Variants in EYA3 observed in about 807,000 individuals in gnomAD.
EYA3 encodes EYA transcriptional coactivator and phosphatase 3.
EYA3 carries 39 observed loss-of-function variants against 80.0 expected under a neutral mutation model. The ratio of observed to expected loss-of-function variants is 0.49; its 90% CI spans 0.38 to 0.64. EYA3 has a LOEUF of 0.64. Ranked by LOEUF, EYA3 falls within the 30% of genes least tolerant of loss-of-function variation. EYA3 has a pLI of 0.00. For missense variants in EYA3, 523 were observed against 676.1 expected (o/e 0.77, Z 2.51); for synonymous variants, 206 against 232.8 (o/e 0.88, Z 1.05).
At chr1:28,038,781 T>C (rs185047994) in intron 5 of EYA3, 58 bp downstream of exon 5, 67 of 963,682 alleles carry the variant, frequency 7.0e-5, no homozygotes, top group Admixed American at 2.0e-4. Flanking sequence ...TAATATTAAA[T>C]TTTGCAATGA....
At chr1:28,081,653 C>T (rs917045476) in intron 1 of EYA3, among the ~76,000 whole-genome samples, 1 of 152,086 alleles carries the variant, frequency 6.6e-6, no homozygotes, top group African/African-American at 2.4e-5. Context: ...CATCATTGTG[C>T]TAAATTAAAT....
intron 1 of EYA3, among the ~76,000 whole-genome samples, chr1:28,083,320 G>GACC (rs1645497535): frequency 1.3e-5 from 2 of 152,162 alleles, no homozygotes; most frequent in Admixed American, 1.3e-4. Context: ...AGGAGTTCAA[G>GACC]ACCAGCCTGA....
In EYA3 at chr1:28,049,114, A is replaced by G. The variant is rs572444710; in HGVS notation, c.34-688T>C. On this transcript the variant is annotated intron_variant, in intron 2 of 17. Transcript: ENST00000373871. ...ATATGCTTAGCCATTCAAATTATGA[A>G]TATTTAAAAGTATTTCAAGCTAATA... 3.3e-5 allele frequency among the ~76,000 whole-genome samples: 5 copies of G among 152,310 alleles called. No homozygotes were observed. In the South Asian group the frequency reaches 1.0e-3, roughly 32 times the overall value.
intron 1 of EYA3, among the ~76,000 whole-genome samples, chr1:28,085,632 C>T (rs969860647): frequency 6.6e-6 from 1 of 152,204 alleles, no homozygotes; most frequent in African/African-American, 2.4e-5. Flanking sequence ...AAGCCTAAAA[C>T]TAATATGCAG....
intron 1 of EYA3, among the ~76,000 whole-genome samples, chr1:28,067,795 T>G (rs943468857): frequency 7.9e-5 from 12 of 152,222 alleles, no homozygotes; most frequent in African/African-American, 2.9e-4. Context: ...ACTTCACATT[T>G]GGTTTCACTC....
intron 3 of EYA3, among the ~76,000 whole-genome samples, chr1:28,044,425 C>G (rs1643927652): frequency 6.6e-6 from 1 of 152,190 alleles, no homozygotes; most frequent in African/African-American, 2.4e-5. Context: ...AGCTAGAACA[C>G]AGTAAGCACA....
intron 11 of EYA3, among the ~76,000 whole-genome samples, chr1:28,003,387 T>A (rs2148766027): frequency 6.6e-6 from 1 of 152,272 alleles, no homozygotes; most frequent in South Asian, 2.1e-4. Flanking sequence ...GAGAATCATT[T>A]GAACCCGAGA....
intron 16 of EYA3, among the ~76,000 whole-genome samples, chr1:27,986,627 C>T (rs903551208): frequency 3.3e-5 from 5 of 152,042 alleles, no homozygotes; most frequent in Non-Finnish European, 5.9e-5. Context: ...GAACTCCTGA[C>T]CTCAAGTGAT....
At chr1:28,055,762 C>T (rs960836084) in intron 2 of EYA3, among the ~76,000 whole-genome samples, 20 of 152,080 alleles carry the variant, frequency 1.3e-4, no homozygotes, top group Non-Finnish European at 2.2e-4. Context: ...TGAGCCACTA[C>T]GTCCAGCCGA....
chr1:28,002,396 C>T (rs2148762382), intron 11 of EYA3, among the ~76,000 whole-genome samples: 1 of 151,604 alleles, frequency 6.6e-6, no homozygotes, highest in South Asian at 2.1e-4. Flanking sequence ...ATGAGAGCCA[C>T]CACGCCTGGT....
Position 28,038,439 on chromosome 1 carries a change from T to TAAAAAAAA in EYA3, c.224+392_224+399dup, listed in dbSNP as rs74525723. 4.8e-3 allele frequency among the ~76,000 whole-genome samples: 332 copies of TAAAAAAAA among 68,486 alleles called. 1 individual carries two copies. The highest frequency in any genetic ancestry group is 8.1e-3 in the African/African-American group (143 of 17,570). The allele number at this position is 68,486 out of a possible 152,430, so 44.9% of individuals were successfully genotyped here. On this transcript the variant is annotated intron_variant, in intron 5 of 17. Transcript: ENST00000373871. The stretch of plus-strand genomic sequence containing the variant: ...CAACAAACAGAGTGAGATTCTATCT[T>TAAAAAAAA]AAAAAAAAAAAAAAAAAAAAAAAAA...
rs1346366316 is a variant in EYA3 at position 27,997,329 on chromosome 1, T to C, written c.1133A>G (p.Gln378Arg). ...VEDVASDDNG[Q>R]DLSNYSFSTD... ...TCATTATGTTTATCACCTCAAGTCT[T>C]GGCCATTGTCATCAGAAGCCACATC... The change falls in exon 13 of 18, where the codon CAA becomes CGA. Residue 378 changes from glutamine to arginine, a missense_variant. Gln to Arg is a conservative substitution (Grantham distance 43, BLOSUM62 1). Coordinates refer to ENST00000373871, the MANE Select transcript of EYA3 (RefSeq NM_001990.4). The C allele has an allele frequency of 6.2e-7, 1 of 1,614,126 alleles. No homozygotes were observed. The highest frequency in any genetic ancestry group is 2.2e-5 in the East Asian group (1 of 44,876).
chr1:28,047,550 C>G, intron 3 of EYA3, among the ~76,000 whole-genome samples: 1 of 143,214 alleles, frequency 7.0e-6, no homozygotes, highest in East Asian at 1.9e-4. Context: ...GGTTGGTGCA[C>G]AAACGACAGA....
In EYA3 at chr1:28,013,177, T is replaced by G. The variant is rs760314826; in HGVS notation, c.703A>C (p.Thr235Pro). The stretch of plus-strand genomic sequence containing the variant: ...CTAGGCTTCTCCGACTGGTATGTGG[T>G]TGCTGCTAATGTGGTGCTCTCTGCA... ...SDAESTTLAA[T>P]TYQSEKPSVM... Residue 235 changes from threonine (T) to proline (P), a missense_variant, in exon 9 of 18, where the codon ACC becomes CCC. By Grantham distance (38) the Thr-to-Pro change is conservative (BLOSUM62 -1). Transcript: ENST00000373871. The surrounding 1 kb of genome is among the most constrained non-coding windows in gnomAD (Gnocchi z 4.0). 6.2e-7 allele frequency: 1 copy of G among 1,614,130 alleles called. No homozygotes were observed. The highest frequency in any genetic ancestry group is 8.5e-7 in the Non-Finnish European group (1 of 1,180,000).
chr1:28,051,239 C>A (rs1571900501), intron 2 of EYA3, among the ~76,000 whole-genome samples: 1 of 152,012 alleles, frequency 6.6e-6, no homozygotes, highest in East Asian at 1.9e-4. Flanking sequence ...CTAACGAATC[C>A]ATTAAGAAAC....
Position 28,013,045 on chromosome 1 carries a change from A to G in EYA3, c.769+66T>C, listed in dbSNP as rs993153913. 29 of 1,506,704 alleles carry G rather than the reference A, an allele frequency of 1.9e-5. No homozygotes were observed. Among genetic ancestry groups the G allele is most frequent in the Non-Finnish European group, 2.5e-5 (28 of 1,108,006 alleles). 93.3% of individuals were successfully genotyped at this position (1,506,704 alleles called of 1,614,324 possible). A position where few individuals can be genotyped will look rare whatever the true frequency, so the allele number is the denominator to read the frequency against. Reference sequence around the variant, plus strand: ...AAGACAGAACAAAATCATCCTTACCATTGCCTAAAAACAACTGTTGGATGA... The same window carrying G: ...AAGACAGAACAAAATCATCCTTACCGTTGCCTAAAAACAACTGTTGGATGA... On this transcript the variant is annotated intron_variant, in intron 9 of 17. Coordinates refer to ENST00000373871, the MANE Select transcript of EYA3 (RefSeq NM_001990.4). This position sits in a 1 kb window ranked among gnomAD's most constrained non-coding sequence, Gnocchi z 4.0.
chr1:28,007,714 A>G (rs967142207), intron 10 of EYA3, among the ~76,000 whole-genome samples: 2 of 152,212 alleles, frequency 1.3e-5, no homozygotes. Flanking sequence ...CAAAAAGAAA[A>G]TACTTAGGAA....
chr1:28,030,833 G>C (rs1257100216), intron 6 of EYA3, among the ~76,000 whole-genome samples: 1 of 152,158 alleles, frequency 6.6e-6, no homozygotes, highest in African/African-American at 2.4e-5. Flanking sequence ...AAACATTTAT[G>C]ATGTAAAATG....
In EYA3 at chr1:27,974,337, G is replaced by T; in HGVS notation, c.*129C>A. 1.7e-6 allele frequency: 1 copy of T among 573,536 alleles called. No individual in the cohort carries two copies. Among genetic ancestry groups the T allele is most frequent in the Non-Finnish European group, 3.1e-6 (1 of 326,406 alleles). 35.5% of individuals were successfully genotyped at this position (573,536 alleles called of 1,614,324 possible). A position where few individuals can be genotyped will look rare whatever the true frequency, so the allele number is the denominator to read the frequency against. ...AGGGAGAGAGGGAGAGAGAGAAAGAGAGAAAGAGAGAGAGATAGAGACAGA... is the reference window on the plus strand; with the variant it reads ...AGGGAGAGAGGGAGAGAGAGAAAGATAGAAAGAGAGAGAGATAGAGACAGA... On this transcript the variant is annotated 3_prime_UTR_variant, in exon 18 of 18. Coordinates refer to ENST00000373871, the MANE Select transcript of EYA3 (RefSeq NM_001990.4).
Sources: allele counts gnomAD v4.1 joint callset (sites outside exome capture counted in the v4.1 genomes callset), GRCh38; gene constraint gnomAD v4.1.1; non-coding constraint Gnocchi (gnomAD v3.1); transcripts MANE v1.5; gene names NCBI Gene and HGNC (gene_info 2026-07-23, HGNC 2026-07-21).